The following TPST2 variants were observed in gnomAD, a reference collection of about 807,000 sequenced individuals.
TPST2 encodes tyrosylprotein sulfotransferase 2, also known as protein-tyrosine sulfotransferase 2.
TPST2 carries 16 observed loss-of-function variants against 27.8 expected under a neutral mutation model. The ratio of observed to expected loss-of-function variants is 0.58; its 90% confidence interval spans 0.39 to 0.88. The LOEUF is 0.88. TPST2 is among the 40% of genes least tolerant of loss of function. TPST2 has a pLI of 0.00. For synonymous variants in TPST2, 229 were observed against 231.7 expected, an observed-to-expected ratio of 0.99 and a Z score of 0.10; for missense variants, 464 against 543.1, an observed-to-expected ratio of 0.85 and a Z score of 1.45.
chr22:26,577,109 A>AAG (rs1555935556), intron 1 of TPST2, among the ~76,000 whole-genome samples: 6 of 150,908 alleles, frequency 4.0e-5, no homozygotes, highest in South Asian at 2.1e-4. Flanking sequence ...AAAAAAAAAA[A>AAG]AAAAGAAAAT....
intron 4 of TPST2, among the ~76,000 whole-genome samples, chr22:26,535,252 A>C (rs1183118241): frequency 1.3e-5 from 2 of 152,244 alleles, no homozygotes; most frequent in Non-Finnish European, 2.9e-5. Context: ...TAAAATCAGC[A>C]CACGCTCAGA....
chr22:26,553,320 T>A (rs965436784), intron 1 of TPST2, among the ~76,000 whole-genome samples: 5 of 151,412 alleles, frequency 3.3e-5, no homozygotes, highest in Non-Finnish European at 5.9e-5. Context: ...TCCAGCATCC[T>A]GTCTGTTGCC....
At chr22:26,577,096 A>G (rs867670470) in intron 1 of TPST2, among the ~76,000 whole-genome samples, 1 of 65,084 alleles carries the variant, frequency 1.5e-5, no homozygotes. Context: ...ACTCTGTTGC[A>G]AAAAAAAAAA....
rs1380503320 is a variant in TPST2 at position 26,541,738 on chromosome 22, T to C, written c.-88-20A>G. On this transcript the variant is annotated intron_variant, in intron 2 of 6. Coordinates refer to ENST00000338754, the MANE Select transcript of TPST2 (RefSeq NM_003595.5). The surrounding 1 kb of genome is among the most constrained non-coding windows in gnomAD (Gnocchi z 5.9). ...TCACATCTGGGGAGAGAGGGGGACA[T>C]GCATAGTCAGGGAGGTCTGTGAGCT... 2.1e-6 allele frequency: 3 copies of C among 1,446,926 alleles called. No individual in the cohort carries two copies. Among genetic ancestry groups the C allele is most frequent in the African/African-American group, 2.9e-5 (2 of 69,906 alleles). The allele number at this position is 1,446,926 out of a possible 1,614,324, so 89.6% of individuals were successfully genotyped here. A position where few individuals can be genotyped will look rare whatever the true frequency, so the allele number is the denominator to read the frequency against.
intron 1 of TPST2, among the ~76,000 whole-genome samples, chr22:26,570,070 A>AGAAAGAAG (rs1927571508): frequency 6.6e-6 from 1 of 150,756 alleles, no homozygotes; most frequent in African/African-American, 2.4e-5. Context: ...AAAGAAGGAA[A>AGAAAGAAG]GAAAGAAAGA....
intron 1 of TPST2, among the ~76,000 whole-genome samples, chr22:26,569,234 T>C: frequency 6.6e-6 from 1 of 152,096 alleles, no homozygotes; most frequent in East Asian, 1.9e-4. Flanking sequence ...CCCGTTCCAG[T>C]AACAGTTCCA....
At chr22:26,571,377 G>A (rs1391850845) in intron 1 of TPST2, among the ~76,000 whole-genome samples, 2 of 151,064 alleles carry the variant, frequency 1.3e-5, no homozygotes. Flanking sequence ...ACCAGTTAGT[G>A]CTGCAACCTG....
intron 6 of TPST2, among the ~76,000 whole-genome samples, chr22:26,526,985 C>T (rs954743540): frequency 1.3e-5 from 2 of 152,012 alleles, no homozygotes; most frequent in Non-Finnish European, 2.9e-5. Context: ...GGCTGAGGCA[C>T]GAGAGTCACT....
chr22:26,550,727 A>G, intron 1 of TPST2: 1 of 881,672 alleles, frequency 1.1e-6, no homozygotes, highest in Non-Finnish European at 1.4e-6. Context: ...CACGCTGACC[A>G]CACCAACTCC....
At chr22:26,567,248 T>C (rs1927417491) in intron 1 of TPST2, among the ~76,000 whole-genome samples, 1 of 152,208 alleles carries the variant, frequency 6.6e-6, no homozygotes, top group Non-Finnish European at 1.5e-5. Context: ...CTTTCCACAA[T>C]GCCTTAGCCC....
At chr22:26,566,545 CTG>C (rs1435508975) in intron 1 of TPST2, among the ~76,000 whole-genome samples, 3 of 150,712 alleles carry the variant, frequency 2.0e-5, no homozygotes. Context: ...GAGCAAGACT[CTG>C]TCTCAAAAAA....
At chr22:26,547,577 G>A (rs907327776) in intron 1 of TPST2, 5 of 152,160 alleles carry the variant, frequency 3.3e-5, no homozygotes, top group African/African-American at 9.7e-5. Context: ...GGGTGAGCAC[G>A]ACTCTACCAC....
intron 1 of TPST2, among the ~76,000 whole-genome samples, chr22:26,554,540 C>T (rs1319592666): frequency 6.6e-6 from 1 of 152,176 alleles, no homozygotes; most frequent in Non-Finnish European, 1.5e-5. Context: ...TGGCTGATTC[C>T]TAGCAATGCA....
intron 1 of TPST2, among the ~76,000 whole-genome samples, chr22:26,579,158 G>C (rs529295021): frequency 1.4e-4 from 21 of 152,194 alleles, no homozygotes; most frequent in African/African-American, 5.1e-4. Flanking sequence ...GCCCAGCCTG[G>C]AGGCAAGACT....
intron 1 of TPST2, among the ~76,000 whole-genome samples, chr22:26,548,911 T>G (rs538710540): frequency 1.3e-5 from 2 of 152,196 alleles, no homozygotes; most frequent in African/African-American, 4.8e-5. Flanking sequence ...AAGGCTAAAG[T>G]GAGCCATGAT....
chr22:26,532,657 G>A, intron 5 of TPST2, 38 bp downstream of exon 5: 1 of 1,607,318 alleles, frequency 6.2e-7, no homozygotes, highest in African/African-American at 1.3e-5. Flanking sequence ...GTATAGCTGA[G>A]AAAGACAGAA....
At chr22:26,566,850 G>A (rs969626313) in intron 1 of TPST2, among the ~76,000 whole-genome samples, 3 of 152,146 alleles carry the variant, frequency 2.0e-5, no homozygotes, top group Non-Finnish European at 1.5e-5. Context: ...CGCTCATATC[G>A]TATTGTAATT....
Position 26,571,964 on chromosome 22 carries a change from T to C in TPST2, c.-161+18089A>G, listed in dbSNP as rs144385846. On this transcript the variant is annotated intron_variant, in intron 1 of 6. Coordinates refer to ENST00000338754, the MANE Select transcript of TPST2 (RefSeq NM_003595.5). ...CCCTGCCTGTCCCCATATGGTGGCATGTCACCCCCGCCTTCACTATACTTT... is the reference window on the plus strand; with the variant it reads ...CCCTGCCTGTCCCCATATGGTGGCACGTCACCCCCGCCTTCACTATACTTT... 5.0e-3 allele frequency among the ~76,000 whole-genome samples: 768 copies of C among 152,314 alleles called. 8 individuals are homozygous for C. Among genetic ancestry groups the C allele is most frequent in the African/African-American group, 0.018 (740 of 41,572 alleles).
chr22:26,544,509 C>A (rs746465506), intron 2 of TPST2, 95 bp downstream of exon 2: 6 of 691,524 alleles, frequency 8.7e-6, no homozygotes, highest in Non-Finnish European at 1.1e-5. Context: ...GCCCAGGCAC[C>A]CAATCATGGA....
Sources: allele counts gnomAD v4.1 joint callset (sites outside exome capture counted in the v4.1 genomes callset), GRCh38; gene constraint gnomAD v4.1.1; non-coding constraint Gnocchi (gnomAD v3.1); transcripts MANE v1.5; gene names NCBI Gene and HGNC (gene_info 2026-07-23, HGNC 2026-07-21).